Variants in SORCS3 observed in about 807,000 individuals in gnomAD.
The protein encoded by SORCS3 is VPS10 domain-containing receptor SorCS3.
A neutral mutation model predicts 146.3 loss-of-function variants in SORCS3; 57 were observed. The observed-to-expected ratio is 0.39, with a 90% CI of 0.31 to 0.49. SORCS3 has a LOEUF of 0.49. Ranked by LOEUF, SORCS3 falls within the 20% of genes least tolerant of loss-of-function variation. SORCS3 has a pLI of 0.92. For missense variants in SORCS3, 1,341 were observed against 1,575.5 expected (o/e 0.85, Z 2.52); for synonymous variants, 653 against 618.5 (o/e 1.06, Z -0.83).
At chr10:104,740,446 C>T (rs551520691) in intron 1 of SORCS3, among the ~76,000 whole-genome samples, 1 of 152,298 alleles carries the variant, frequency 6.6e-6, no homozygotes, top group African/African-American at 2.4e-5. Flanking sequence ...GACGCACCTC[C>T]TCTGGGAAGT....
intron 1 of SORCS3, among the ~76,000 whole-genome samples, chr10:104,776,889 A>T (rs565644002): frequency 6.6e-6 from 1 of 151,932 alleles, no homozygotes; most frequent in Non-Finnish European, 1.5e-5. Context: ...AAAAAAAAAA[A>T]ACCTCACAAA....
intron 5 of SORCS3, among the ~76,000 whole-genome samples, chr10:105,076,521 C>T (rs560305202): frequency 6.6e-6 from 1 of 152,310 alleles, no homozygotes; most frequent in African/African-American, 2.4e-5. Context: ...GCCTCCTGAC[C>T]TTCACATCAT....
intron 3 of SORCS3, among the ~76,000 whole-genome samples, chr10:104,948,098 C>A (rs879336331): frequency 9.3e-5 from 14 of 151,138 alleles, no homozygotes; most frequent in Non-Finnish European, 1.9e-4. Context: ...AGACAACTAT[C>A]ATGCTTTTTC....
chr10:105,076,062 G>C (rs1326013297), intron 5 of SORCS3, among the ~76,000 whole-genome samples: 1 of 152,156 alleles, frequency 6.6e-6, no homozygotes, highest in Non-Finnish European at 1.5e-5. Context: ...TAAAGTGCTT[G>C]GAACCTGGTG....
At chr10:105,155,425 T>C (rs749624712) in intron 9 of SORCS3, among the ~76,000 whole-genome samples, 2 of 151,882 alleles carry the variant, frequency 1.3e-5, no homozygotes, top group Non-Finnish European at 2.9e-5. Flanking sequence ...GGGTAACTGG[T>C]TTAGGGGAGT....
rs368938079 is a variant in SORCS3, at chr10:104,799,549, TG to T, written c.628-43237del. Among the ~76,000 whole-genome samples the T allele has an allele frequency of 4.2e-4, 62 of 147,930 alleles. No homozygotes were observed. The East Asian group carries it at 0.011, about 26-fold the overall frequency. On this transcript the variant is annotated intron_variant, in intron 1 of 26. Coordinates refer to ENST00000369701, the MANE Select transcript of SORCS3 (RefSeq NM_014978.3). ...TCACACACCAGGGCCTGTTGGGGGTTGGGGGGCTAGGGGAGGGATAACATCA... is the reference window on the plus strand; with the variant it reads ...TCACACACCAGGGCCTGTTGGGGGTTGGGGGCTAGGGGAGGGATAACATCA...
chr10:104,702,280 A>G (rs1177563703), intron 1 of SORCS3, among the ~76,000 whole-genome samples: 3 of 152,138 alleles, frequency 2.0e-5, no homozygotes, highest in African/African-American at 7.2e-5. Context: ...ACAGGATACA[A>G]TTAATATCAC....
At chr10:104,815,738 A>G (rs929160872) in intron 1 of SORCS3, among the ~76,000 whole-genome samples, 2 of 152,192 alleles carry the variant, frequency 1.3e-5, no homozygotes, top group Non-Finnish European at 2.9e-5. Context: ...TGATGCATTT[A>G]ACTTTATAAG....
At position 105,263,221 on chromosome 10, in the gene SORCS3, T is replaced by G; in HGVS notation, c.3605-89T>G. ...ATTCCTATTAAGCACCTGTTCTGGG[T>G]GGCTTGGTATTTAGCAGTGAATAAA... On this transcript the variant is annotated intron_variant, in intron 26 of 26. Coordinates refer to ENST00000369701, the MANE Select transcript of SORCS3 (RefSeq NM_014978.3). The G allele has an allele frequency of 1.1e-5, 14 of 1,253,774 alleles. No individual in the cohort carries two copies. In the South Asian group the frequency reaches 1.8e-4, roughly 16 times the overall value. 77.7% of individuals were successfully genotyped at this position (1,253,774 alleles called of 1,614,324 possible).
intron 23 of SORCS3, among the ~76,000 whole-genome samples, chr10:105,254,156 G>T (rs560378647): frequency 6.6e-6 from 1 of 152,314 alleles, no homozygotes; most frequent in South Asian, 2.1e-4. Flanking sequence ...AAAGGAGGCA[G>T]CTTCTGCTTT....
rs1030806250 is a variant in SORCS3 at position 105,200,027 on chromosome 10, G to A, written c.2038G>A (p.Glu680Lys). The A allele has an allele frequency of 1.1e-5, 17 of 1,613,472 alleles. No individual in the cohort carries two copies. The highest frequency in any genetic ancestry group is 4.4e-5 in the South Asian group (4 of 91,060). The change falls in exon 15 of 27, where the codon GAA (glutamate) becomes AAA (lysine). Residue 680 changes from glutamate (E) to lysine (K), a missense_variant. Physicochemically the swap from Glu to Lys is moderately conservative, Grantham distance 56. Transcript: ENST00000369701. ...TVFGHFSLRS[E>K]WQLVKVDYKS... is the part of the protein sequence containing the mutation. Reference sequence around the variant, plus strand: ...TTTTGGCCACTTCAGCCTCCGCTCCGAATGGCAATTGGTGAAAGTGGACTA... The same window carrying A: ...TTTTGGCCACTTCAGCCTCCGCTCCAAATGGCAATTGGTGAAAGTGGACTA...
intron 1 of SORCS3, among the ~76,000 whole-genome samples, chr10:104,838,046 G>A (rs2018090783): frequency 6.6e-6 from 1 of 152,162 alleles, no homozygotes; most frequent in South Asian, 2.1e-4. Context: ...TACCTGCTCT[G>A]TTTCAAAGGT....
chr10:104,758,942 A>G (rs991751834), intron 1 of SORCS3, among the ~76,000 whole-genome samples: 1 of 152,188 alleles, frequency 6.6e-6, no homozygotes, highest in Admixed American at 6.5e-5. Flanking sequence ...TATGGCTTGA[A>G]TTGTGTCTCC....
intron 13 of SORCS3, among the ~76,000 whole-genome samples, chr10:105,170,373 A>G (rs1589669308): frequency 6.6e-6 from 1 of 152,070 alleles, no homozygotes. Flanking sequence ...CCCTTGTTCA[A>G]TGTAATATAT....
intron 3 of SORCS3, among the ~76,000 whole-genome samples, chr10:104,925,376 A>AT (rs1321394405): frequency 6.6e-6 from 1 of 152,098 alleles, no homozygotes; most frequent in Non-Finnish European, 1.5e-5. Flanking sequence ...AAACCACTTA[A>AT]TTTTTTTGTC....
chr10:105,194,906 T>C (rs1049729519), intron 14 of SORCS3, among the ~76,000 whole-genome samples: 1 of 152,170 alleles, frequency 6.6e-6, no homozygotes, highest in Admixed American at 6.6e-5. Flanking sequence ...TAAGAAACTC[T>C]GGGAGTGAGA....
chr10:105,049,215 A>T (rs1201825649), intron 5 of SORCS3, among the ~76,000 whole-genome samples: 1 of 152,134 alleles, frequency 6.6e-6, no homozygotes, highest in Non-Finnish European at 1.5e-5. Context: ...GAAGAGGGTT[A>T]CAAAGAAGCA....
At position 105,255,721 on chromosome 10, in the gene SORCS3, A is replaced by C. The variant is rs771279268; in HGVS notation, c.3257A>C (p.Asn1086Thr). ...TTTCAGATTGTAGAAACACTGTTTAATGCTCTCAACCAAAATTTGGTCCAG... is the reference window on the plus strand; with the variant it reads ...TTTCAGATTGTAGAAACACTGTTTACTGCTCTCAACCAAAATTTGGTCCAG... Reference protein sequence around the residue: ...DLEQIVETLFNALNQNLVQFE... With the variant: ...DLEQIVETLFTALNQNLVQFE... Residue 1086 changes from asparagine to threonine, a missense_variant, in exon 24 of 27, where the codon AAT becomes ACT. Asn to Thr is a moderately conservative substitution (Grantham distance 65, BLOSUM62 0). Transcript: ENST00000369701. 5 of 1,613,690 alleles carry C rather than the reference A, an allele frequency of 3.1e-6. No homozygotes were observed. Among genetic ancestry groups the C allele is most frequent in the Admixed American group, 1.7e-5 (1 of 59,962 alleles).
chr10:104,904,498 T>C (rs889376159), intron 2 of SORCS3, among the ~76,000 whole-genome samples: 2 of 127,132 alleles, frequency 1.6e-5, no homozygotes, highest in African/African-American at 5.1e-5. Flanking sequence ...ATTCAAGTTA[T>C]TTAATACAAG....
Sources: allele counts gnomAD v4.1 joint callset (sites outside exome capture counted in the v4.1 genomes callset), GRCh38; gene constraint gnomAD v4.1.1; transcripts MANE v1.5; gene names NCBI Gene and HGNC (gene_info 2026-07-23, HGNC 2026-07-21).